GABRG2: variants seen among roughly 807,000 people sequenced by gnomAD.
The protein encoded by GABRG2 is gamma-aminobutyric acid receptor subunit gamma-2.
GABRG2 carries 16 observed loss-of-function variants against 56.4 expected under a neutral mutation model. That is an observed-to-expected ratio of 0.28 (90% CI 0.19 to 0.43). The LOEUF is 0.43. Ranked by LOEUF, GABRG2 falls within the 20% of genes least tolerant of loss-of-function variation. The probability of loss-of-function intolerance (pLI) is 1.00; values close to 1 mark genes in which losing one functional copy is unlikely to be tolerated. For missense variants in GABRG2, 327 were observed against 582.7 expected, an observed-to-expected ratio of 0.56 and a Z score of 4.52; for synonymous variants, 208 against 205.5, an observed-to-expected ratio of 1.01 and a Z score of -0.10.
Position 162,153,433 on chromosome 5 carries a change from A to T in GABRG2, c.*65A>T. ...GTCTCATGGAGAGATGTCTGTTCTA[A>T]GTCCACTTAAATAATCCTCTATGTG... On this transcript the variant is annotated 3_prime_UTR_variant, in exon 10 of 10. Coordinates refer to ENST00000639213, the MANE Select transcript of GABRG2 (RefSeq NM_198904.4). The T allele has an allele frequency of 6.5e-7, 1 of 1,548,590 alleles. No homozygotes were observed. Among genetic ancestry groups the T allele is most frequent in the Non-Finnish European group, 8.9e-7 (1 of 1,121,304 alleles).
intron 1 of GABRG2, among the ~76,000 whole-genome samples, chr5:162,088,054 A>G (rs1760267412): frequency 1.3e-5 from 2 of 152,100 alleles, no homozygotes; most frequent in Admixed American, 6.6e-5. Flanking sequence ...ACACTCATGC[A>G]TAGAGCACCC....
At chr5:162,077,934 A>G (rs538164243) in intron 1 of GABRG2, among the ~76,000 whole-genome samples, 1 of 152,084 alleles carries the variant, frequency 6.6e-6, no homozygotes, top group East Asian at 1.9e-4. Flanking sequence ...GGAAAGGAGG[A>G]GGGAGGAAGG....
In GABRG2 at chr5:162,153,109, T is replaced by A; in HGVS notation, c.1169T>A (p.Ile390Asn). The A allele has an allele frequency of 6.2e-7, 1 of 1,614,038 alleles. No homozygotes were observed. ...TCGTCCCAGGCCCCTACCATTGATATCCGCCCAAGATCAGCAACCATTCAA... is the reference window on the plus strand; with the variant it reads ...TCGTCCCAGGCCCCTACCATTGATAACCGCCCAAGATCAGCAACCATTCAA... ...MFSFKAPTIDIRPRSATIQMN... is the reference protein window; with the variant it reads ...MFSFKAPTIDNRPRSATIQMN... The change falls in exon 10 of 10, where the codon ATC becomes AAC. Residue 390 changes from isoleucine to asparagine, a missense_variant. By Grantham distance (149) the Ile-to-Asn change is moderately radical (BLOSUM62 -3). Transcript: ENST00000639213.
At chr5:162,097,518 A>C in intron 3 of GABRG2, 120 bp from the exon 4 acceptor site, 1 of 794,356 alleles carries the variant, frequency 1.3e-6, no homozygotes, top group Non-Finnish European at 2.1e-6. Context: ...CTTTTGAACT[A>C]TTCAAAGCCA....
intron 9 of GABRG2, chr5:162,152,799 C>T: frequency 1.7e-6 from 1 of 588,944 alleles, no homozygotes; most frequent in Non-Finnish European, 3.0e-6. Flanking sequence ...AATAAGATTC[C>T]ATGTAATTTG....
intron 3 of GABRG2, 75 bp downstream of exon 3, chr5:162,095,637 A>G (rs2113310072): frequency 2.8e-6 from 3 of 1,079,522 alleles, no homozygotes; most frequent in East Asian, 5.0e-5. Context: ...TGGAAATAGC[A>G]AAAGACATGC....
At chr5:162,120,250 TAC>T (rs1294595042) in intron 6 of GABRG2, among the ~76,000 whole-genome samples, 2 of 152,160 alleles carry the variant, frequency 1.3e-5, no homozygotes, top group Non-Finnish European at 2.9e-5. Context: ...TTTGCACCCA[TAC>T]ATCTGTCATC....
At chr5:162,115,419 A>T (rs1265384660) in intron 6 of GABRG2, among the ~76,000 whole-genome samples, 1 of 152,196 alleles carries the variant, frequency 6.6e-6, no homozygotes. Flanking sequence ...TGTCACATTC[A>T]GAAATTAACA....
intron 9 of GABRG2, 199 bp from the exon 10 acceptor site, chr5:162,152,894 T>G: frequency 1.5e-6 from 1 of 652,946 alleles, no homozygotes; most frequent in Non-Finnish European, 2.7e-6. Flanking sequence ...TCAGCTGCAC[T>G]GCTTAAGCTC....
In GABRG2 at chr5:162,093,746, C is replaced by A. The variant is rs1053024136; in HGVS notation, c.108-82C>A. The A allele has an allele frequency of 1.2e-5, 15 of 1,295,922 alleles. No individual in the cohort carries two copies. The African/African-American group carries it at 1.6e-4, about 14-fold the overall frequency. The allele number at this position is 1,295,922 out of a possible 1,614,324, so 80.3% of individuals were successfully genotyped here. ...ACATTTCTTTTATCCTGTTTTATTT[C>A]TTCTTTTCCACTGGTGGTCTGTGGA... On this transcript the variant is annotated intron_variant, in intron 1 of 9. Coordinates refer to ENST00000639213, the MANE Select transcript of GABRG2 (RefSeq NM_198904.4).
At chr5:162,152,476 A>G in intron 9 of GABRG2, 1 of 475,932 alleles carries the variant, frequency 2.1e-6, no homozygotes, top group Non-Finnish European at 4.2e-6. Flanking sequence ...ATTTCCATTC[A>G]CATGTAGGTA....
chr5:162,122,898 A>T (rs563978096), intron 6 of GABRG2, among the ~76,000 whole-genome samples: 1 of 151,700 alleles, frequency 6.6e-6, no homozygotes, highest in Admixed American at 6.6e-5. Context: ...AAAAGAAAAC[A>T]TTAAAATTAC....
chr5:162,073,232 C>T (rs1214112486), intron 1 of GABRG2, among the ~76,000 whole-genome samples: 1 of 151,176 alleles, frequency 6.6e-6, no homozygotes, highest in Non-Finnish European at 1.5e-5. Flanking sequence ...ATTGAAAGGT[C>T]TAGACAGAAA....
At position 162,140,581 on chromosome 5, in the gene GABRG2, C is replaced by T. The variant is rs114661962; in HGVS notation, c.770-1583C>T. On this transcript the variant is annotated intron_variant, in intron 6 of 9. Coordinates refer to ENST00000639213, the MANE Select transcript of GABRG2 (RefSeq NM_198904.4). ...CAAATCAGCCAAGTAAGTAGGGAAA[C>T]GTAGGCACAAAGCCAACTAATCAAG... Among the ~76,000 whole-genome samples, 28 of 152,228 alleles carry T rather than the reference C, an allele frequency of 1.8e-4. 1 individual carries two copies. Among genetic ancestry groups the T allele is most frequent in the African/African-American group, 5.8e-4 (24 of 41,522 alleles).
At chr5:162,082,019 C>T (rs563528413) in intron 1 of GABRG2, among the ~76,000 whole-genome samples, 1 of 152,006 alleles carries the variant, frequency 6.6e-6, no homozygotes, top group South Asian at 2.1e-4. Context: ...AAAATGATCA[C>T]ATTCAGTTTT....
chr5:162,070,452 G>A (rs1014410320), intron 1 of GABRG2, among the ~76,000 whole-genome samples: 1 of 151,888 alleles, frequency 6.6e-6, no homozygotes, highest in Non-Finnish European at 1.5e-5. Context: ...TTTGAGACAT[G>A]AGGAGTCCAT....
intron 7 of GABRG2, among the ~76,000 whole-genome samples, chr5:162,144,735 G>T (rs1764831569): frequency 6.6e-6 from 1 of 152,186 alleles, no homozygotes. Context: ...GGTTTGCTCT[G>T]GGTAGGAGGC....
At chr5:162,133,512 G>A (rs13181691) in intron 6 of GABRG2, among the ~76,000 whole-genome samples, 6 of 152,074 alleles carry the variant, frequency 3.9e-5, no homozygotes, top group African/African-American at 1.4e-4. Context: ...ATTATACCAG[G>A]AAATTGCTGT....
chr5:162,137,840 G>A (rs745935293), intron 6 of GABRG2, among the ~76,000 whole-genome samples: 15 of 151,756 alleles, frequency 9.9e-5, no homozygotes, highest in Admixed American at 8.5e-4. Context: ...CAACCTCCAC[G>A]TCCCAGGCTC....
Sources: allele counts gnomAD v4.1 joint callset (sites outside exome capture counted in the v4.1 genomes callset), GRCh38; gene constraint gnomAD v4.1.1; transcripts MANE v1.5; gene names NCBI Gene and HGNC (gene_info 2026-07-23, HGNC 2026-07-21).